The following ATF6 variants were observed in gnomAD, a reference collection of about 807,000 sequenced individuals.
ATF6 encodes the protein activating transcription factor 6, also known as cyclic AMP-dependent transcription factor ATF-6 alpha.
A neutral mutation model predicts 83.6 loss-of-function variants in ATF6; 53 were observed. That is an observed-to-expected ratio of 0.63 (90% CI 0.51 to 0.80). The LOEUF (loss-of-function observed/expected upper bound fraction) is 0.80. ATF6 is among the 30% of genes least tolerant of loss of function. ATF6 has a pLI of 0.00. For missense variants in ATF6, 744 were observed against 797.9 expected, an observed-to-expected ratio of 0.93 and a Z score of 0.81; for synonymous variants, 288 against 285.8, an observed-to-expected ratio of 1.01 and a Z score of -0.08.
At chr1:161,859,759 C>G (rs1686840967) in intron 12 of ATF6, among the ~76,000 whole-genome samples, 2 of 152,112 alleles carry the variant, frequency 1.3e-5, no homozygotes, top group African/African-American at 4.8e-5. Context: ...TTAATGATGG[C>G]TTAGTTCATA....
At chr1:161,908,047 T>C (rs1294820736) in intron 14 of ATF6, among the ~76,000 whole-genome samples, 1 of 152,236 alleles carries the variant, frequency 6.6e-6, no homozygotes, top group Non-Finnish European at 1.5e-5. Context: ...GTTTATGTAA[T>C]ATTTTATTAC....
chr1:161,841,700 G>C (rs143783426), intron 9 of ATF6, among the ~76,000 whole-genome samples: 336 of 152,244 alleles, frequency 2.2e-3, no homozygotes, highest in African/African-American at 7.7e-3. Flanking sequence ...GAATGCGTCT[G>C]AGCTCCTTAA....
At chr1:161,918,268 T>A (rs1303186177) in intron 15 of ATF6, among the ~76,000 whole-genome samples, 1 of 152,058 alleles carries the variant, frequency 6.6e-6, no homozygotes, top group African/African-American at 2.4e-5. Context: ...ATATTTTATA[T>A]AATTAATAAT....
chr1:161,912,305 C>T lies in ATF6; in HGVS notation c.1729C>T (p.Leu577=). The part of the protein sequence containing the change: ...YVVSFRRDHL[L]LPATTHNKTT... The stretch of plus-strand genomic sequence containing the variant: ...TCTTTGTTAATTTTAGGATCACCTG[C>T]TGTTACCAGCTACCACCCATAACAA... The change falls in exon 15 of 16, where the codon CTG becomes TTG. Residue 577 remains leucine (L), a synonymous_variant. Transcript: ENST00000367942. 1 of 1,602,852 alleles carries T rather than the reference C, an allele frequency of 6.2e-7. No individual in the cohort carries two copies. Among genetic ancestry groups the T allele is most frequent in the Non-Finnish European group, 8.5e-7 (1 of 1,174,948 alleles).
intron 15 of ATF6, among the ~76,000 whole-genome samples, chr1:161,919,130 G>T (rs1043718615): frequency 4.6e-5 from 7 of 152,238 alleles, no homozygotes; most frequent in Admixed American, 1.3e-4. Context: ...TTTGCATTCT[G>T]TTTATTATTT....
At chr1:161,801,524 G>A (rs1402169305) in intron 6 of ATF6, among the ~76,000 whole-genome samples, 1 of 151,854 alleles carries the variant, frequency 6.6e-6, no homozygotes, top group African/African-American at 2.4e-5. Flanking sequence ...CAAACTGCTG[G>A]CCTCCCAAAG....
chr1:161,795,235 T>C (rs891467066), intron 6 of ATF6, among the ~76,000 whole-genome samples: 1 of 152,182 alleles, frequency 6.6e-6, no homozygotes, highest in Non-Finnish European at 1.5e-5. Flanking sequence ...GTCACTGTGA[T>C]AACTAATAAA....
At chr1:161,836,191 T>G (rs1046988799) in intron 9 of ATF6, among the ~76,000 whole-genome samples, 2 of 152,210 alleles carry the variant, frequency 1.3e-5, no homozygotes, top group African/African-American at 4.8e-5. Context: ...TTTGTCAGCT[T>G]TTCATTATTT....
chr1:161,822,602 G>T (rs1433278976), intron 9 of ATF6, among the ~76,000 whole-genome samples: 2 of 152,058 alleles, frequency 1.3e-5, no homozygotes, highest in Non-Finnish European at 2.9e-5. Context: ...AAAATAATAT[G>T]ATCAACCCCT....
chr1:161,880,056 G>T (rs1687290922), intron 14 of ATF6, among the ~76,000 whole-genome samples: 2 of 152,072 alleles, frequency 1.3e-5, no homozygotes, highest in South Asian at 4.1e-4. Flanking sequence ...TATACCACTT[G>T]GAAGACTAAT....
intron 2 of ATF6, 23 bp downstream of exon 2, chr1:161,778,343 T>A: frequency 1.3e-6 from 2 of 1,580,452 alleles, no homozygotes; most frequent in Non-Finnish European, 1.7e-6. Context: ...TAAGGTTGAA[T>A]AATGTGATAT....
chr1:161,810,474 C>T lies in ATF6; in HGVS notation c.909+8202C>T, dbSNP rs1000126490. 5.9e-5 allele frequency among the ~76,000 whole-genome samples: 9 copies of T among 152,172 alleles called. No homozygotes were observed. In the East Asian group the frequency reaches 7.7e-4, roughly 13 times the overall value. Reference sequence around the variant, plus strand: ...TCCCCCAACATTGGGGATTACAATTCGACATGAGATTTGGGTAGAGACACA... The same window carrying T: ...TCCCCCAACATTGGGGATTACAATTTGACATGAGATTTGGGTAGAGACACA... On this transcript the variant is annotated intron_variant, in intron 7 of 15. Coordinates refer to ENST00000367942, the MANE Select transcript of ATF6 (RefSeq NM_007348.4).
At chr1:161,820,065 G>A (rs1448868508) in intron 8 of ATF6, among the ~76,000 whole-genome samples, 2 of 152,066 alleles carry the variant, frequency 1.3e-5, no homozygotes, top group Non-Finnish European at 2.9e-5. Flanking sequence ...CATTGCCTTA[G>A]CACCCTCTTT....
chr1:161,809,725 T>C (rs2101766946), intron 7 of ATF6, among the ~76,000 whole-genome samples: 1 of 152,370 alleles, frequency 6.6e-6, no homozygotes, highest in East Asian at 1.9e-4. Flanking sequence ...TTTGTAATGA[T>C]TGCCATTCTA....
chr1:161,868,414 T>A (rs887758215), intron 14 of ATF6, among the ~76,000 whole-genome samples: 9 of 152,134 alleles, frequency 5.9e-5, no homozygotes, highest in Non-Finnish European at 1.3e-4. Context: ...TCCCCGTTCT[T>A]AGTAAGTGTG....
At chr1:161,905,546 T>C (rs1034308423) in intron 14 of ATF6, among the ~76,000 whole-genome samples, 7 of 152,204 alleles carry the variant, frequency 4.6e-5, no homozygotes, top group African/African-American at 1.7e-4. Context: ...CTGAGTAAAG[T>C]GAATTTTCTA....
At chr1:161,865,131 A>C (rs1279727538) in intron 14 of ATF6, among the ~76,000 whole-genome samples, 3 of 152,060 alleles carry the variant, frequency 2.0e-5, no homozygotes, top group Non-Finnish European at 4.4e-5. Flanking sequence ...GAAGAGAACA[A>C]GTATTTTTTA....
rs188189707 is a variant in ATF6, at chr1:161,832,987, T to G, written c.1187+11826T>G. 4.1e-3 allele frequency among the ~76,000 whole-genome samples: 631 copies of G among 152,330 alleles called. 2 individuals carry two copies. The highest frequency in any genetic ancestry group is 6.7e-3 in the Non-Finnish European group (458 of 68,026). ...GTGGGTCCCTAACCCCCGAGCAGCC[T>G]AACTGGGAGGCACCCCCCAGTAGGG... is the stretch of plus-strand genomic sequence containing the variant. On this transcript the variant is annotated intron_variant, in intron 9 of 15. Coordinates refer to ENST00000367942, the MANE Select transcript of ATF6 (RefSeq NM_007348.4).
intron 7 of ATF6, among the ~76,000 whole-genome samples, chr1:161,805,188 G>A (rs982258225): frequency 6.6e-5 from 10 of 151,496 alleles, no homozygotes; most frequent in African/African-American, 9.7e-5. Flanking sequence ...ATGATATACC[G>A]TTGACCTACA....
Sources: allele counts gnomAD v4.1 joint callset (sites outside exome capture counted in the v4.1 genomes callset), GRCh38; gene constraint gnomAD v4.1.1; transcripts MANE v1.5; gene names NCBI Gene and HGNC (gene_info 2026-07-23, HGNC 2026-07-21).